Variants in CYFIP2 observed in about 807,000 individuals in gnomAD.
CYFIP2 encodes cytoplasmic FMR1-interacting protein 2.
Under a neutral mutation model 158.7 loss-of-function variants are expected in CYFIP2, and 29 were observed. That is an observed-to-expected ratio of 0.18 (90% CI 0.14 to 0.25). The LOEUF is 0.25. Ranked by LOEUF, CYFIP2 falls within the 10% of genes least tolerant of loss-of-function variation. The pLI is 1.00. For missense variants in CYFIP2, 852 were observed against 1,639.5 expected, an observed-to-expected ratio of 0.52 and a Z score of 8.29; for synonymous variants, 585 against 617.6, an observed-to-expected ratio of 0.95 and a Z score of 0.78.
chr5:157,308,598 T>G (rs1314802568), intron 9 of CYFIP2, among the ~76,000 whole-genome samples: 1 of 152,188 alleles, frequency 6.6e-6, no homozygotes, highest in Non-Finnish European at 1.5e-5. Context: ...CAGATTAATA[T>G]TCACAGCAGA....
At chr5:157,369,141 A>T (rs1434017303) in intron 26 of CYFIP2, among the ~76,000 whole-genome samples, 2 of 151,988 alleles carry the variant, frequency 1.3e-5, no homozygotes, top group Non-Finnish European at 2.9e-5. Flanking sequence ...CAAGTGATCC[A>T]CCTGCCTTGG....
intron 8 of CYFIP2, 102 bp from the exon 9 acceptor site, chr5:157,307,659 G>GTGTGTGTGTGTGTA: frequency 2.1e-6 from 1 of 481,028 alleles, no homozygotes; most frequent in Non-Finnish European, 3.9e-6. Flanking sequence ...GTGTGTGTAT[G>GTGTGTGTGTGTGTA]TGTGTGTGTG....
chr5:157,392,991 C>T lies in CYFIP2; in HGVS notation c.3753C>T (p.Thr1251=). Reference sequence around the variant, plus strand: ...CACCCATCCACCAGTCCTTGGCCACCACTTGCTAAGCAGAAGATCCTGCAG... The same window carrying T: ...CACCCATCCACCAGTCCTTGGCCACTACTTGCTAAGCAGAAGATCCTGCAG... ...FQPPIHQSLA[T]TC Residue 1251 remains threonine, a synonymous_variant, in exon 31 of 31, where the codon ACC becomes ACT. Coordinates refer to ENST00000620254, the MANE Select transcript of CYFIP2 (RefSeq NM_001037333.3). The T allele has an allele frequency of 6.2e-7, 1 of 1,613,764 alleles. No individual in the cohort carries two copies. Among genetic ancestry groups the T allele is most frequent in the Non-Finnish European group, 8.5e-7 (1 of 1,179,814 alleles).
intron 26 of CYFIP2, among the ~76,000 whole-genome samples, chr5:157,374,529 A>G (rs1022645481): frequency 1.3e-5 from 2 of 152,150 alleles, no homozygotes; most frequent in Non-Finnish European, 2.9e-5. Flanking sequence ...GTCTCCCAGC[A>G]AAAGCAGCAA....
chr5:157,353,374 C>A (rs905366008), intron 23 of CYFIP2, among the ~76,000 whole-genome samples: 4 of 152,172 alleles, frequency 2.6e-5, no homozygotes, highest in Non-Finnish European at 4.4e-5. Context: ...TTCCAACGCA[C>A]CTTATTCATA....
intron 26 of CYFIP2, among the ~76,000 whole-genome samples, chr5:157,366,263 C>T (rs1197741588): frequency 6.6e-6 from 1 of 152,176 alleles, no homozygotes; most frequent in African/African-American, 2.4e-5. Context: ...GGTCAACATT[C>T]TTGCCTTTTT....
intron 1 of CYFIP2, among the ~76,000 whole-genome samples, chr5:157,270,130 G>A (rs1755964795): frequency 6.6e-6 from 1 of 152,314 alleles, no homozygotes; most frequent in South Asian, 2.1e-4. Flanking sequence ...GAAGTAAATA[G>A]GACCTTCTTG....
At chr5:157,326,869 T>C (rs1038689899) in intron 18 of CYFIP2, among the ~76,000 whole-genome samples, 9 of 152,226 alleles carry the variant, frequency 5.9e-5, no homozygotes, top group Non-Finnish European at 1.2e-4. Context: ...GGGTTTTGTG[T>C]TCTGCATACC....
At chr5:157,297,923 C>T (rs1023640569) in intron 5 of CYFIP2, among the ~76,000 whole-genome samples, 6 of 152,206 alleles carry the variant, frequency 3.9e-5, no homozygotes, top group African/African-American at 1.4e-4. Flanking sequence ...TGGTGGCTGT[C>T]ATATTGGACA....
intron 23 of CYFIP2, among the ~76,000 whole-genome samples, chr5:157,356,771 C>T (rs770607370): frequency 2.6e-5 from 4 of 152,216 alleles, no homozygotes; most frequent in Non-Finnish European, 5.9e-5. Flanking sequence ...CTACATGCCT[C>T]AGTCACCTCA....
Position 157,333,511 on chromosome 5 carries a change from G to T in CYFIP2, c.2385+65G>T, listed in dbSNP as rs935409214. 14 of 1,610,274 alleles carry T rather than the reference G, an allele frequency of 8.7e-6. No homozygotes were observed. In the East Asian group the frequency reaches 2.7e-4, roughly 31 times the overall value. On this transcript the variant is annotated intron_variant, in intron 21 of 30. Transcript: ENST00000620254. ...TTCTCAGACTAGAAGCCTAGATGGG[G>T]ACTGTAGTTAGTCTAGTGCTGGGCC...
chr5:157,339,423 A>G (rs1762086213), intron 22 of CYFIP2, among the ~76,000 whole-genome samples, 167 bp downstream of exon 22: 1 of 151,562 alleles, frequency 6.6e-6, no homozygotes, highest in Admixed American at 6.6e-5. Context: ...AAGGTCATAG[A>G]GCTGGTTGAC....
intron 8 of CYFIP2, among the ~76,000 whole-genome samples, chr5:157,306,330 G>A (rs1242151215): frequency 3.9e-5 from 6 of 152,158 alleles, no homozygotes; most frequent in African/African-American, 1.4e-4. Context: ...CTCACCACTG[G>A]TGCTTTGCCT....
intron 23 of CYFIP2, chr5:157,343,499 G>T: frequency 6.3e-7 from 1 of 1,591,898 alleles, no homozygotes; most frequent in Non-Finnish European, 8.6e-7. Context: ...GGAGATGATG[G>T]CTCCTGTATA....
chr5:157,330,916 A>G, intron 20 of CYFIP2, 66 bp downstream of exon 20: 8 of 1,290,778 alleles, frequency 6.2e-6, no homozygotes, highest in Non-Finnish European at 9.0e-6. Flanking sequence ...AAGTTAGCAT[A>G]GAGATCAGAA....
chr5:157,340,045 A>C (rs1274396162), intron 22 of CYFIP2, among the ~76,000 whole-genome samples: 2 of 152,266 alleles, frequency 1.3e-5, no homozygotes, highest in Non-Finnish European at 2.9e-5. Context: ...CCTGCAAAAC[A>C]GCATACATTT....
chr5:157,281,520 A>G (rs1227797385), intron 1 of CYFIP2, among the ~76,000 whole-genome samples: 1 of 152,220 alleles, frequency 6.6e-6, no homozygotes, highest in African/African-American at 2.4e-5. Flanking sequence ...TAACAGTAAC[A>G]AAGTAATAAA....
rs147291102 is a variant in CYFIP2 at position 157,267,843 on chromosome 5, C to T, written c.-24+1648C>T. On this transcript the variant is annotated intron_variant, in intron 1 of 30. Coordinates refer to ENST00000620254, the MANE Select transcript of CYFIP2 (RefSeq NM_001037333.3). ...GGGAGCTGGGTAGTTCTTTTGGGAA[C>T]GGGTCCCTGAAATGACAATATCTAG... Among the ~76,000 whole-genome samples the T allele has an allele frequency of 3.3e-5, 5 of 152,316 alleles. No homozygotes were observed. In the South Asian group the frequency reaches 6.2e-4, roughly 19 times the overall value.
intron 23 of CYFIP2, among the ~76,000 whole-genome samples, chr5:157,348,192 G>T (rs1762827042): frequency 6.6e-6 from 1 of 152,252 alleles, no homozygotes; most frequent in Admixed American, 6.5e-5. Context: ...CTTCCTGAAG[G>T]TGGCAGTGAA....
Sources: allele counts gnomAD v4.1 joint callset (sites outside exome capture counted in the v4.1 genomes callset), GRCh38; gene constraint gnomAD v4.1.1; transcripts MANE v1.5; gene names NCBI Gene and HGNC (gene_info 2026-07-23, HGNC 2026-07-21).